The following STK32B variants were observed in gnomAD, a reference collection of about 807,000 sequenced individuals.
STK32B encodes serine/threonine-protein kinase 32B.
A neutral mutation model predicts 52.6 loss-of-function variants in STK32B; 43 were observed. The ratio of observed to expected loss-of-function variants is 0.82; its 90% CI spans 0.64 to 1.05. The LOEUF is 1.05. STK32B is among the 50% of genes least tolerant of loss of function. The pLI is 0.00. For missense variants in STK32B, 621 were observed against 534.6 expected (o/e 1.16, Z -1.59); for synonymous variants, 238 against 204.3 (o/e 1.17, Z -1.41).
At chr4:5,383,244 A>G (rs1736042464) in intron 4 of STK32B, among the ~76,000 whole-genome samples, 1 of 152,028 alleles carries the variant, frequency 6.6e-6, no homozygotes, top group African/African-American at 2.4e-5. Context: ...CCACATACGT[A>G]TTCATGCTGT....
At chr4:5,358,510 C>T (rs1184043604) in intron 4 of STK32B, among the ~76,000 whole-genome samples, 1 of 152,046 alleles carries the variant, frequency 6.6e-6, no homozygotes. Context: ...TTAATCTAGG[C>T]ACTCAATACA....
At chr4:5,287,204 G>C (rs575585809) in intron 3 of STK32B, among the ~76,000 whole-genome samples, 1 of 152,140 alleles carries the variant, frequency 6.6e-6, no homozygotes, top group African/African-American at 2.4e-5. Context: ...CAAAGGGTTT[G>C]TACCAGTTTA....
chr4:5,331,875 C>T (rs1446551499), intron 4 of STK32B, among the ~76,000 whole-genome samples: 3 of 152,176 alleles, frequency 2.0e-5, no homozygotes, highest in African/African-American at 7.2e-5. Context: ...TCCTCAGGGA[C>T]CTTACTTCTC....
intron 5 of STK32B, among the ~76,000 whole-genome samples, chr4:5,402,101 C>T (rs1737331722): frequency 6.6e-6 from 1 of 152,232 alleles, no homozygotes; most frequent in Admixed American, 6.5e-5. Context: ...AGCAGGAGAG[C>T]CCAGCCACTC....
At chr4:5,111,031 A>G (rs1003023712) in intron 1 of STK32B, among the ~76,000 whole-genome samples, 1 of 152,132 alleles carries the variant, frequency 6.6e-6, no homozygotes, top group African/African-American at 2.4e-5. Context: ...ATCACCAATC[A>G]TCAGAGAAAT....
At chr4:5,321,052 A>G (rs1731454265) in intron 3 of STK32B, among the ~76,000 whole-genome samples, 1 of 152,146 alleles carries the variant, frequency 6.6e-6, no homozygotes, top group South Asian at 2.1e-4. Flanking sequence ...GAGAGAGTAC[A>G]AAAGGGCTTT....
chr4:5,247,660 T>A (rs1213146672), intron 3 of STK32B, among the ~76,000 whole-genome samples: 1 of 152,198 alleles, frequency 6.6e-6, no homozygotes, highest in Non-Finnish European at 1.5e-5. Flanking sequence ...ATCTTCTGCG[T>A]CGCTCATGCT....
chr4:5,061,653 G>C (rs948997190), intron 1 of STK32B, among the ~76,000 whole-genome samples: 1 of 152,168 alleles, frequency 6.6e-6, no homozygotes, highest in African/African-American at 2.4e-5. Context: ...TAGGAATCAT[G>C]CTTCATCTTA....
intron 11 of STK32B, among the ~76,000 whole-genome samples, chr4:5,493,920 T>G (rs902256083): frequency 2.6e-5 from 4 of 152,282 alleles, no homozygotes; most frequent in Non-Finnish European, 2.9e-5. Context: ...GAGTTCTAGT[T>G]TGATAGCACT....
At chr4:5,417,305 C>A (rs1712248613) in intron 6 of STK32B, among the ~76,000 whole-genome samples, 1 of 152,190 alleles carries the variant, frequency 6.6e-6, no homozygotes, top group Middle Eastern at 3.2e-3. Flanking sequence ...AGTGTTCTTT[C>A]AATGTGTAGT....
Position 5,159,671 on chromosome 4 carries a change from A to C in STK32B, c.109-8628A>C, listed in dbSNP as rs188383883. ...TATATGAATATATATATGAATGTAT[A>C]TGAATATATATATGAATATATATGA... On this transcript the variant is annotated intron_variant, in intron 2 of 11. Transcript: ENST00000282908. 1.1e-3 allele frequency among the ~76,000 whole-genome samples: 84 copies of C among 76,850 alleles called. 12 individuals carry two copies. In the East Asian group the frequency reaches 0.024, roughly 22 times the overall value. The allele number at this position is 76,850 out of a possible 152,430, so 50.4% of individuals were successfully genotyped here. A position where few individuals can be genotyped will look rare whatever the true frequency, so the allele number is the denominator to read the frequency against.
chr4:5,353,876 C>T (rs917486080), intron 4 of STK32B, among the ~76,000 whole-genome samples: 9 of 152,194 alleles, frequency 5.9e-5, no homozygotes, highest in Non-Finnish European at 7.4e-5. Flanking sequence ...AGGAATCCCA[C>T]TACTGGGTGT....
intron 1 of STK32B, among the ~76,000 whole-genome samples, chr4:5,061,731 A>G (rs1742226054): frequency 1.3e-5 from 2 of 152,176 alleles, no homozygotes; most frequent in African/African-American, 2.4e-5. Context: ...ACTTACTGCT[A>G]GAATGTAGCT....
intron 1 of STK32B, among the ~76,000 whole-genome samples, chr4:5,111,606 A>G (rs1282505677): frequency 6.6e-6 from 1 of 152,058 alleles, no homozygotes; most frequent in Non-Finnish European, 1.5e-5. Flanking sequence ...GACTCTGGAG[A>G]CTTCAAAAGG....
intron 6 of STK32B, among the ~76,000 whole-genome samples, chr4:5,426,688 T>TA (rs1713124624): frequency 1.1e-4 from 1 of 9,088 alleles, no homozygotes; most frequent in Non-Finnish European, 2.2e-4. Flanking sequence ...AGACTCCATC[T>TA]AAACAAAAAA....
At chr4:5,446,000 G>T (rs1257372930) in intron 6 of STK32B, among the ~76,000 whole-genome samples, 1 of 152,176 alleles carries the variant, frequency 6.6e-6, no homozygotes, top group Non-Finnish European at 1.5e-5. Context: ...CCCCCTGGGG[G>T]TTCTGTTCCT....
At chr4:5,406,902 AT>A in intron 5 of STK32B, among the ~76,000 whole-genome samples, 2 of 152,216 alleles carry the variant, frequency 1.3e-5, no homozygotes, top group South Asian at 4.1e-4. Context: ...CCTTTTACTC[AT>A]ACAAATTTCT....
chr4:5,188,381 C>T lies in STK32B; in HGVS notation c.260+19931C>T, dbSNP rs1720913359. ...AATTGGAAACTGTGGTGCCCTTGAT[C>T]CTCAAGTGTTTGAAAGTCACATGGC... On this transcript the variant is annotated intron_variant, in intron 3 of 11. Coordinates refer to ENST00000282908, the MANE Select transcript of STK32B (RefSeq NM_018401.3). 2.0e-5 allele frequency among the ~76,000 whole-genome samples: 3 copies of T among 152,170 alleles called. No homozygotes were observed. The South Asian group carries it at 6.2e-4, about 32-fold the overall frequency.
chr4:5,418,798 A>C (rs949197541), intron 6 of STK32B, among the ~76,000 whole-genome samples: 1 of 152,194 alleles, frequency 6.6e-6, no homozygotes, highest in Non-Finnish European at 1.5e-5. Context: ...AACAACCAAA[A>C]TCTTTCTTCC....
Sources: allele counts gnomAD v4.1 joint callset (sites outside exome capture counted in the v4.1 genomes callset), GRCh38; gene constraint gnomAD v4.1.1; transcripts MANE v1.5; gene names NCBI Gene and HGNC (gene_info 2026-07-23, HGNC 2026-07-21).